Variants in KCNH1 observed in about 807,000 individuals in gnomAD.
The protein encoded by KCNH1 is potassium voltage-gated channel subfamily H member 1.
Under a neutral mutation model 69.2 loss-of-function variants are expected in KCNH1, and 27 were observed. The ratio of observed to expected loss-of-function variants is 0.39; its 90% CI spans 0.29 to 0.54. The LOEUF is 0.54. Among genes scored for constraint, KCNH1 ranks in the 20% least tolerant of loss-of-function variants. The pLI is 0.68. For synonymous variants in KCNH1, 456 were observed against 487.7 expected (o/e 0.93, Z 0.86); for missense variants, 798 against 1,261.6 (o/e 0.63, Z 5.57).
chr1:210,776,095 T>A (rs981325957), intron 9 of KCNH1, among the ~76,000 whole-genome samples: 1 of 152,126 alleles, frequency 6.6e-6, no homozygotes, highest in Non-Finnish European at 1.5e-5. Context: ...GGACTCTTCA[T>A]CAGAAATCTA....
intron 7 of KCNH1, among the ~76,000 whole-genome samples, chr1:210,857,826 CA>C (rs1685888437): frequency 6.6e-6 from 1 of 152,146 alleles, no homozygotes. Flanking sequence ...GAAAGGGAAG[CA>C]AGCCAATCTC....
chr1:211,036,037 G>C (rs1193007424), intron 5 of KCNH1, among the ~76,000 whole-genome samples: 3 of 152,216 alleles, frequency 2.0e-5, no homozygotes, highest in African/African-American at 7.2e-5. Flanking sequence ...TCACTGAGAT[G>C]ACAAGTACTG....
At chr1:210,861,015 G>T in intron 7 of KCNH1, 2 of 1,056,138 alleles carry the variant, frequency 1.9e-6, no homozygotes, top group Non-Finnish European at 3.0e-6. Flanking sequence ...TCAGCATTGG[G>T]TTCTGTAAGA....
At chr1:210,866,047 G>C (rs965850826) in intron 7 of KCNH1, among the ~76,000 whole-genome samples, 1 of 152,122 alleles carries the variant, frequency 6.6e-6, no homozygotes, top group Non-Finnish European at 1.5e-5. Flanking sequence ...ATAGTGTTAA[G>C]ACAACTGGAT....
At chr1:210,830,355 A>G (rs1041547969) in intron 7 of KCNH1, among the ~76,000 whole-genome samples, 4 of 152,222 alleles carry the variant, frequency 2.6e-5, no homozygotes, top group African/African-American at 9.6e-5. Context: ...GCCTTCCTAA[A>G]GAAGCCCAGC....
intron 9 of KCNH1, among the ~76,000 whole-genome samples, chr1:210,782,392 G>C (rs1190253977): frequency 6.6e-6 from 1 of 152,086 alleles, no homozygotes; most frequent in Non-Finnish European, 1.5e-5. Context: ...GAGATCTCTA[G>C]ATGATAACTG....
At chr1:210,924,408 T>A (rs1184054739) in intron 6 of KCNH1, among the ~76,000 whole-genome samples, 1 of 152,180 alleles carries the variant, frequency 6.6e-6, no homozygotes, top group Non-Finnish European at 1.5e-5. Context: ...AAACAAGCAT[T>A]TTTTCATTGT....
At chr1:210,874,538 A>G (rs1468738585) in intron 7 of KCNH1, among the ~76,000 whole-genome samples, 1 of 152,208 alleles carries the variant, frequency 6.6e-6, no homozygotes, top group Non-Finnish European at 1.5e-5. Context: ...TCACAGCACT[A>G]TTCACAAATA....
intron 10 of KCNH1, among the ~76,000 whole-genome samples, chr1:210,721,528 T>C (rs1682458321): frequency 6.6e-6 from 1 of 152,204 alleles, no homozygotes; most frequent in Non-Finnish European, 1.5e-5. Flanking sequence ...GAAGACTGCA[T>C]AGAAGTTGAT....
chr1:211,062,148 C>T lies in KCNH1; in HGVS notation c.558+20632G>A, dbSNP rs2095751. On this transcript the variant is annotated intron_variant, in intron 5 of 10. Coordinates refer to ENST00000271751, the MANE Select transcript of KCNH1 (RefSeq NM_172362.3). ...GACCAATAGAATAGAATGGAGAGCC[C>T]GGAAATAAATCCATACTTCTAGAGT... is the stretch of plus-strand genomic sequence containing the variant. Among the ~76,000 whole-genome samples the T allele has an allele frequency of 6.2e-3, 935 of 151,862 alleles. 5 individuals are homozygous for T. The highest frequency in any genetic ancestry group is 0.015 in the African/African-American group (628 of 41,388).
At chr1:210,936,410 T>A (rs1687775490) in intron 6 of KCNH1, among the ~76,000 whole-genome samples, 1 of 152,114 alleles carries the variant, frequency 6.6e-6, no homozygotes, top group Non-Finnish European at 1.5e-5. Context: ...TTTTCCCTCT[T>A]CTCCCTTACA....
At chr1:210,931,839 A>C (rs534961616) in intron 6 of KCNH1, among the ~76,000 whole-genome samples, 37 of 126,296 alleles carry the variant, frequency 2.9e-4, no homozygotes, top group African/African-American at 1.0e-3. Flanking sequence ...TCAGTGAACG[A>C]AATAAAAAAA....
At chr1:210,967,527 A>C (rs1323426674) in intron 6 of KCNH1, among the ~76,000 whole-genome samples, 3 of 152,066 alleles carry the variant, frequency 2.0e-5, no homozygotes, top group Non-Finnish European at 4.4e-5. Context: ...AAATAATCAA[A>C]TATCCCAGAA....
chr1:210,835,483 C>T (rs1187339137), intron 7 of KCNH1, among the ~76,000 whole-genome samples: 3 of 152,070 alleles, frequency 2.0e-5, no homozygotes, highest in Admixed American at 2.0e-4. Context: ...GATTTAGAAT[C>T]TTTGCGAGCC....
At chr1:211,091,159 A>G (rs906542710) in intron 3 of KCNH1, among the ~76,000 whole-genome samples, 8 of 152,242 alleles carry the variant, frequency 5.3e-5, no homozygotes, top group Non-Finnish European at 1.0e-4. Context: ...GAATCCACCA[A>G]TTTGACTCAC....
At chr1:210,978,779 G>T (rs1228207884) in intron 6 of KCNH1, among the ~76,000 whole-genome samples, 1 of 152,148 alleles carries the variant, frequency 6.6e-6, no homozygotes, top group Non-Finnish European at 1.5e-5. Flanking sequence ...TTAGACAGAG[G>T]ATGTGATCTA....
intron 7 of KCNH1, among the ~76,000 whole-genome samples, chr1:210,843,785 C>A (rs144331889): frequency 1.3e-5 from 2 of 152,128 alleles, no homozygotes; most frequent in African/African-American, 2.4e-5. Context: ...CAGCTATCAG[C>A]GTCATCTAGT....
intron 7 of KCNH1, among the ~76,000 whole-genome samples, chr1:210,867,352 CACACACACACAT>C (rs937778636): frequency 6.8e-5 from 9 of 133,142 alleles, no homozygotes; most frequent in South Asian, 2.4e-4. Context: ...CACACACACA[CACACACACACAT>C]ATATATATAT....
chr1:210,698,310 G>C (rs1345018093), intron 10 of KCNH1, among the ~76,000 whole-genome samples: 1 of 152,086 alleles, frequency 6.6e-6, no homozygotes, highest in Non-Finnish European at 1.5e-5. Context: ...ACCACCATGG[G>C]CTGGTACCTC....
Sources: allele counts gnomAD v4.1 joint callset (sites outside exome capture counted in the v4.1 genomes callset), GRCh38; gene constraint gnomAD v4.1.1; transcripts MANE v1.5; gene names NCBI Gene and HGNC (gene_info 2026-07-23, HGNC 2026-07-21).